MAGI2: variants seen among roughly 807,000 people sequenced by gnomAD.
MAGI2 encodes membrane-associated guanylate kinase, WW and PDZ domain-containing protein 2.
A neutral mutation model predicts 133.3 loss-of-function variants in MAGI2; 35 were observed. The observed-to-expected ratio is 0.26, with a 90% confidence interval of 0.20 to 0.35. MAGI2 has a LOEUF of 0.35. Among genes scored for constraint, MAGI2 ranks in the 10% least tolerant of loss-of-function variants. The pLI, the probability that MAGI2 is intolerant of heterozygous loss-of-function variation, is 1.00. For synonymous variants in MAGI2, 729 were observed against 710.6 expected, an observed-to-expected ratio of 1.03 and a Z score of -0.41; for missense variants, 1,636 against 1,863.4, an observed-to-expected ratio of 0.88 and a Z score of 2.25.
At chr7:78,220,528 A>C (rs1788708212) in intron 10 of MAGI2, among the ~76,000 whole-genome samples, 1 of 152,246 alleles carries the variant, frequency 6.6e-6, no homozygotes, top group Non-Finnish European at 1.5e-5. Flanking sequence ...CTAAGTAAAT[A>C]ACAGGGCTAT....
At chr7:78,133,130 G>T in intron 17 of MAGI2, 70 bp from the exon 18 acceptor site, 1 of 1,323,156 alleles carries the variant, frequency 7.6e-7, no homozygotes, top group South Asian at 1.6e-5. Context: ...GTGACTAGAG[G>T]CAGTGACTTT....
intron 6 of MAGI2, chr7:78,485,239 G>A (rs1188560284): frequency 6.6e-6 from 1 of 151,862 alleles, no homozygotes; most frequent in African/African-American, 2.4e-5. Flanking sequence ...AGACTATATT[G>A]GCTTGCTAAA....
intron 2 of MAGI2, among the ~76,000 whole-genome samples, chr7:78,899,934 A>G (rs1433122729): frequency 6.6e-6 from 1 of 152,078 alleles, no homozygotes; most frequent in East Asian, 1.9e-4. Flanking sequence ...TCATCACTCA[A>G]CCCTTCAATG....
intron 2 of MAGI2, among the ~76,000 whole-genome samples, chr7:78,759,672 GA>G (rs34453782): frequency 1.3e-5 from 2 of 152,002 alleles, no homozygotes; most frequent in Non-Finnish European, 2.9e-5. Flanking sequence ...TTGTTAATTA[GA>G]AAAAAATACC....
intron 1 of MAGI2, among the ~76,000 whole-genome samples, chr7:79,356,785 T>G (rs898286041): frequency 6.6e-6 from 1 of 152,168 alleles, no homozygotes; most frequent in Non-Finnish European, 1.5e-5. Flanking sequence ...ACAGCATGAC[T>G]GAATATAGGA....
chr7:78,421,008 T>C (rs1427830964), intron 6 of MAGI2, among the ~76,000 whole-genome samples: 4 of 152,124 alleles, frequency 2.6e-5, no homozygotes, highest in Non-Finnish European at 1.5e-5. Context: ...AAATTGGACA[T>C]AAATAAATCA....
intron 1 of MAGI2, among the ~76,000 whole-genome samples, chr7:79,029,072 T>G (rs964920387): frequency 6.6e-6 from 1 of 152,180 alleles, no homozygotes; most frequent in Non-Finnish European, 1.5e-5. Flanking sequence ...AGCATTACTA[T>G]AGACTGCCCC....
chr7:79,052,407 G>C (rs550370468), intron 1 of MAGI2, among the ~76,000 whole-genome samples: 1 of 152,274 alleles, frequency 6.6e-6, no homozygotes, highest in African/African-American at 2.4e-5. Flanking sequence ...CAAGCACAGG[G>C]CCATTTTGAG....
At chr7:78,362,900 T>C (rs1264396627) in intron 7 of MAGI2, among the ~76,000 whole-genome samples, 1 of 152,222 alleles carries the variant, frequency 6.6e-6, no homozygotes, top group Admixed American at 6.5e-5. Context: ...GCTTCGACCT[T>C]ATCAGTCATA....
intron 1 of MAGI2, among the ~76,000 whole-genome samples, chr7:79,126,890 G>C (rs1820457611): frequency 6.6e-6 from 1 of 151,904 alleles, no homozygotes. Flanking sequence ...ATGTTGGTGT[G>C]CTGCACCCAT....
intron 7 of MAGI2, among the ~76,000 whole-genome samples, chr7:78,361,196 C>G (rs2151235545): frequency 6.6e-6 from 1 of 152,192 alleles, no homozygotes; most frequent in Admixed American, 6.5e-5. Flanking sequence ...GAGTTCAAGA[C>G]CAGCCCGGCC....
At chr7:79,125,192 A>G (rs1390859067) in intron 1 of MAGI2, 5 of 371,096 alleles carry the variant, frequency 1.3e-5, no homozygotes, top group African/African-American at 2.1e-5. Flanking sequence ...GTAAACACTG[A>G]CTATGGTGAT....
chr7:78,462,898 G>A (rs540012451), intron 6 of MAGI2, among the ~76,000 whole-genome samples: 39 of 152,256 alleles, frequency 2.6e-4, no homozygotes, highest in Middle Eastern at 3.4e-3. Flanking sequence ...TTAACATGAA[G>A]ATATTCTGCT....
At chr7:78,743,294 T>A (rs1211912416) in intron 2 of MAGI2, among the ~76,000 whole-genome samples, 7 of 152,204 alleles carry the variant, frequency 4.6e-5, no homozygotes, top group Admixed American at 4.6e-4. Context: ...AAATGTACTT[T>A]ATGTTTAATG....
At chr7:78,029,589 A>G (rs1173489532) in intron 21 of MAGI2, among the ~76,000 whole-genome samples, 2 of 152,172 alleles carry the variant, frequency 1.3e-5, no homozygotes, top group Non-Finnish European at 2.9e-5. Flanking sequence ...CTGAGTCCCA[A>G]CCGCAGAGGC....
intron 21 of MAGI2, 91 bp downstream of exon 21, chr7:78,078,856 G>T: frequency 7.0e-7 from 1 of 1,423,892 alleles, no homozygotes; most frequent in South Asian, 1.2e-5. Flanking sequence ...TTAGGTAGAA[G>T]TGGAGAACTG....
rs1210938211 is a variant in MAGI2 at position 78,167,918 on chromosome 7, C to T, written c.2594G>A (p.Gly865Glu). ...TGCAGCAGGCTCCAGGTACATACCT[C>T]CACATAGCACCTTTCTTCTCACAGT... ...NLTVRRKVLC[G>E]GEPCPENGRS... The change falls in exon 15 of 22, where the codon GGA becomes GAA. Residue 865 changes from glycine (G) to glutamate (E), a missense_variant and splice_region_variant. Gly to Glu is a moderately conservative substitution (Grantham distance 98, BLOSUM62 -2). This residue lies in a region of MAGI2 where 920 missense variants were observed against 1,093.5 expected (regional missense o/e 0.84). Transcript: ENST00000354212. 2 of 1,613,646 alleles carry T rather than the reference C, an allele frequency of 1.2e-6. No homozygotes were observed. Among genetic ancestry groups the T allele is most frequent in the Non-Finnish European group, 1.7e-6 (2 of 1,179,708 alleles).
At chr7:78,308,471 G>T (rs936994861) in intron 9 of MAGI2, among the ~76,000 whole-genome samples, 2 of 151,988 alleles carry the variant, frequency 1.3e-5, no homozygotes, top group African/African-American at 4.8e-5. Flanking sequence ...TAGAGCAAGA[G>T]AATACATATA....
chr7:78,826,372 A>G (rs905013914), intron 2 of MAGI2, among the ~76,000 whole-genome samples: 4 of 149,730 alleles, frequency 2.7e-5, no homozygotes, highest in African/African-American at 7.4e-5. Context: ...AAAAAAAAAA[A>G]GAGTATATTA....
Sources: allele counts gnomAD v4.1 joint callset (sites outside exome capture counted in the v4.1 genomes callset), GRCh38; gene constraint gnomAD v4.1.1; regional missense constraint gnomAD v4.1.1; transcripts MANE v1.5; gene names NCBI Gene and HGNC (gene_info 2026-07-23, HGNC 2026-07-21).